Variants in DNAH14 observed in about 807,000 individuals in gnomAD.
DNAH14 encodes the protein axonemal beta dynein heavy chain 14.
A neutral mutation model predicts 520.9 loss-of-function variants in DNAH14; 478 were observed. That is an observed-to-expected ratio of 0.92 (90% CI 0.85 to 0.99). The LOEUF (loss-of-function observed/expected upper bound fraction) is 0.99. DNAH14 is among the 50% of genes least tolerant of loss of function. The pLI is 0.00. For missense variants in DNAH14, 4,831 were observed against 5,234.5 expected (o/e 0.92, Z 2.38); for synonymous variants, 1,581 against 1,757.2 (o/e 0.90, Z 2.51).
At chr1:225,220,281 C>A (rs1047139943) in intron 41 of DNAH14, among the ~76,000 whole-genome samples, 1 of 152,198 alleles carries the variant, frequency 6.6e-6, no homozygotes, top group African/African-American at 2.4e-5. Flanking sequence ...CACTCCTAAT[C>A]AACATAGTAT....
At position 225,240,797 on chromosome 1, in the gene DNAH14, A is replaced by G. The variant is rs180868605; in HGVS notation, c.6723A>G (p.Glu2241=). ...VTYDFDKLVH[E]LFGNSSQVGI... Reference sequence around the variant, plus strand: ...ACGATTTTGACAAACTTGTTCATGAATTATTTGGAAACAGTTCACAAGTAG... The same window carrying G: ...ACGATTTTGACAAACTTGTTCATGAGTTATTTGGAAACAGTTCACAAGTAG... Residue 2241 remains glutamate (E), a synonymous_variant, in exon 43 of 86, where the codon GAA becomes GAG. Coordinates refer to ENST00000682510, the MANE Select transcript of DNAH14 (RefSeq NM_001367479.1). The G allele has an allele frequency of 4.5e-6, 7 of 1,549,810 alleles. 1 individual carries two copies. The African/African-American group carries it at 8.2e-5, about 18-fold the overall frequency.
intron 36 of DNAH14, among the ~76,000 whole-genome samples, chr1:225,179,591 T>C (rs1376479495): frequency 6.6e-6 from 1 of 152,226 alleles, no homozygotes; most frequent in Non-Finnish European, 1.5e-5. Flanking sequence ...GTTTTAGTTA[T>C]TATTTTTGAC....
chr1:225,385,036 A>G (rs909377117), intron 81 of DNAH14, among the ~76,000 whole-genome samples: 2 of 152,234 alleles, frequency 1.3e-5, no homozygotes, highest in Admixed American at 1.3e-4. Context: ...CACTATGATC[A>G]AGTTGGCTTC....
intron 19 of DNAH14, 84 bp downstream of exon 19, chr1:225,080,832 T>C: frequency 7.3e-7 from 1 of 1,376,084 alleles, no homozygotes; most frequent in African/African-American, 1.5e-5. Context: ...CCTTGGCTTG[T>C]TTCTTTACCC....
chr1:224,982,219 T>C (rs923735499), intron 8 of DNAH14, among the ~76,000 whole-genome samples: 5 of 152,196 alleles, frequency 3.3e-5, no homozygotes, highest in African/African-American at 1.2e-4. Context: ...GAGCTTCTGT[T>C]GTTATTTGTA....
chr1:225,312,242 CTGTT>C (rs1484235255), intron 60 of DNAH14, among the ~76,000 whole-genome samples: 2 of 152,122 alleles, frequency 1.3e-5, no homozygotes, highest in South Asian at 2.1e-4. Flanking sequence ...ATTTGGCTCT[CTGTT>C]TGTCTATTAT....
chr1:224,993,070 A>G (rs1484770061), intron 8 of DNAH14, among the ~76,000 whole-genome samples: 1 of 152,072 alleles, frequency 6.6e-6, no homozygotes, highest in Admixed American at 6.6e-5. Flanking sequence ...GACTTTGGTA[A>G]ATAATCCTTT....
At chr1:225,196,790 G>C (rs1437318465) in intron 38 of DNAH14, among the ~76,000 whole-genome samples, 1 of 151,984 alleles carries the variant, frequency 6.6e-6, no homozygotes, top group African/African-American at 2.4e-5. Flanking sequence ...TTTCATGTTT[G>C]TTGGCCATTT....
intron 36 of DNAH14, among the ~76,000 whole-genome samples, chr1:225,174,269 A>T (rs986159342): frequency 6.1e-5 from 9 of 148,392 alleles, no homozygotes; most frequent in Non-Finnish European, 8.8e-5. Flanking sequence ...AATAAATTTT[A>T]AAAAAAGTTA....
In DNAH14 at chr1:224,961,887, T is replaced by G. The variant is rs149067811; in HGVS notation, c.367+1585T>G. ...TGTAAGAAAGGCCAAAAATTTAGGC[T>G]TAATGGCTGCCAGATAAATAAAATT... On this transcript the variant is annotated intron_variant, in intron 4 of 85. Transcript: ENST00000682510. 5.0e-3 allele frequency among the ~76,000 whole-genome samples: 764 copies of G among 152,290 alleles called. 6 individuals carry two copies. The highest frequency in any genetic ancestry group is 0.017 in the African/African-American group (721 of 41,572).
intron 64 of DNAH14, among the ~76,000 whole-genome samples, chr1:225,327,956 T>C (rs2094713637): frequency 6.6e-6 from 1 of 152,104 alleles, no homozygotes; most frequent in Non-Finnish European, 1.5e-5. Context: ...CTTCCTCATA[T>C]ATGGGACACT....
At chr1:225,373,466 A>AAGGAAGGG (rs1463488821) in intron 77 of DNAH14, among the ~76,000 whole-genome samples, 6 of 147,910 alleles carry the variant, frequency 4.1e-5, no homozygotes, top group Admixed American at 6.7e-5. Flanking sequence ...TCCGTCAAGA[A>AAGGAAGGG]AGGAAGGGAG....
intron 23 of DNAH14, among the ~76,000 whole-genome samples, chr1:225,107,967 C>T (rs182575849): frequency 2.6e-5 from 4 of 152,222 alleles, no homozygotes; most frequent in Admixed American, 1.3e-4. Flanking sequence ...TTAAAGGATG[C>T]AAAGTATTGT....
chr1:224,960,147 T>A lies in DNAH14; in HGVS notation c.218-6T>A, dbSNP rs777129020. 5 of 1,566,896 alleles carry A rather than the reference T, an allele frequency of 3.2e-6. No homozygotes were observed. The East Asian group carries it at 1.1e-4, about 35-fold the overall frequency. ...GTTATTCAGTTAATAATGGTTTTAT[T>A]TTCAGATTACCTTAGAGAAAGTATA... On this transcript the variant is annotated splice_polypyrimidine_tract_variant and splice_region_variant and intron_variant, in intron 3 of 85. Transcript: ENST00000682510.
intron 36 of DNAH14, among the ~76,000 whole-genome samples, chr1:225,179,224 A>T (rs1355214902): frequency 2.6e-5 from 4 of 152,110 alleles, no homozygotes; most frequent in Non-Finnish European, 5.9e-5. Flanking sequence ...TGAGGTTATT[A>T]TTGATGTGTA....
At chr1:225,173,636 A>G (rs1381746317) in intron 36 of DNAH14, among the ~76,000 whole-genome samples, 3 of 152,334 alleles carry the variant, frequency 2.0e-5, no homozygotes, top group East Asian at 3.9e-4. Flanking sequence ...ATGTGGAGAA[A>G]TAGAAACACT....
chr1:225,201,195 T>C (rs1395528326), intron 38 of DNAH14, among the ~76,000 whole-genome samples: 2 of 152,046 alleles, frequency 1.3e-5, no homozygotes, highest in Non-Finnish European at 2.9e-5. Flanking sequence ...TATAAGTGCA[T>C]CCACTGTTTC....
At chr1:225,301,536 G>T (rs1574625123) in intron 56 of DNAH14, among the ~76,000 whole-genome samples, 1 of 152,100 alleles carries the variant, frequency 6.6e-6, no homozygotes, top group Non-Finnish European at 1.5e-5. Context: ...TGAACAAACT[G>T]GTTTGATGAG....
chr1:225,078,337 A>G (rs116811060), intron 17 of DNAH14, among the ~76,000 whole-genome samples: 390 of 152,324 alleles, frequency 2.6e-3, no homozygotes, highest in African/African-American at 8.8e-3. Flanking sequence ...TCATGTACGT[A>G]AAGAACCTAT....
Sources: gnomAD v4.1 joint callset for allele counts (sites outside exome capture counted in the v4.1 genomes callset) on GRCh38, gnomAD v4.1.1 for gene constraint, MANE v1.5 for transcripts, NCBI Gene and HGNC (gene_info 2026-07-23, HGNC 2026-07-21) for gene names.